The following DCC variants were observed in gnomAD, a reference collection of about 807,000 sequenced individuals.
DCC encodes netrin receptor DCC.
DCC carries 58 observed loss-of-function variants against 172.5 expected under a neutral mutation model. That is an observed-to-expected ratio of 0.34 (90% CI 0.27 to 0.42). The LOEUF (loss-of-function observed/expected upper bound fraction) is 0.42. Among genes scored for constraint, DCC ranks in the 10% least tolerant of loss-of-function variants. DCC has a pLI of 1.00. For synonymous variants in DCC, 709 were observed against 644.5 expected (o/e 1.10, Z -1.52); for missense variants, 1,740 against 1,791.0 (o/e 0.97, Z 0.51).
At chr18:52,780,547 C>T (rs1399476760) in intron 2 of DCC, among the ~76,000 whole-genome samples, 1 of 151,948 alleles carries the variant, frequency 6.6e-6, no homozygotes, top group African/African-American at 2.4e-5. Flanking sequence ...CTGAAGACCC[C>T]CCAAAGCAGG....
chr18:52,892,210 T>A (rs2039661130), intron 2 of DCC, among the ~76,000 whole-genome samples: 1 of 152,128 alleles, frequency 6.6e-6, no homozygotes, highest in African/African-American at 2.4e-5. Flanking sequence ...GGAAAGGTCA[T>A]AAACAAGCTT....
chr18:52,600,928 A>G (rs1280353760), intron 1 of DCC, among the ~76,000 whole-genome samples: 4 of 152,176 alleles, frequency 2.6e-5, no homozygotes, highest in Non-Finnish European at 4.4e-5. Context: ...GGGATTTACT[A>G]TATAACCCAA....
chr18:53,027,795 G>A (rs187554129), intron 5 of DCC, among the ~76,000 whole-genome samples: 121 of 150,994 alleles, frequency 8.0e-4, no homozygotes, highest in African/African-American at 2.4e-3. Context: ...AATAACTTGC[G>A]TATAGTTTTG....
rs555051114 is a variant in DCC at position 53,077,395 on chromosome 18, C to T, written c.1261+11229C>T. 2.1e-3 allele frequency among the ~76,000 whole-genome samples: 327 copies of T among 152,204 alleles called. 2 individuals are homozygous for T. Among genetic ancestry groups the T allele is most frequent in the Non-Finnish European group, 2.2e-3 (150 of 68,002 alleles). ...CCCACATACCCACAGACCAAGCTGACCACCTGGTCATAAGTGTGAGTTAAA... is the reference window on the plus strand; with the variant it reads ...CCCACATACCCACAGACCAAGCTGATCACCTGGTCATAAGTGTGAGTTAAA... On this transcript the variant is annotated intron_variant, in intron 7 of 28. Transcript: ENST00000442544.
chr18:53,115,558 C>A (rs1177671079), intron 7 of DCC, among the ~76,000 whole-genome samples: 1 of 151,478 alleles, frequency 6.6e-6, no homozygotes, highest in African/African-American at 2.4e-5. Context: ...TTCCCCCATC[C>A]CAGTGCTAGA....
chr18:52,670,583 T>C (rs1434941668), intron 1 of DCC, among the ~76,000 whole-genome samples: 1 of 152,190 alleles, frequency 6.6e-6, no homozygotes, highest in Non-Finnish European at 1.5e-5. Context: ...CTCACGCCTG[T>C]AATCCCAGCA....
At chr18:52,450,535 T>C (rs1165040475) in intron 1 of DCC, among the ~76,000 whole-genome samples, 1 of 152,232 alleles carries the variant, frequency 6.6e-6, no homozygotes, top group Non-Finnish European at 1.5e-5. Flanking sequence ...GTGGTTATTC[T>C]AGCTTTAGGC....
chr18:53,341,226 A>G (rs56162392), intron 15 of DCC, among the ~76,000 whole-genome samples: 24,804 of 152,046 alleles, frequency 0.16, 2,521 homozygotes, highest in African/African-American at 0.28. Flanking sequence ...AGAGGGAGGG[A>G]GGTGCCCATG....
intron 1 of DCC, among the ~76,000 whole-genome samples, chr18:52,388,822 T>C (rs189231896): frequency 3.0e-4 from 45 of 152,162 alleles, no homozygotes; most frequent in African/African-American, 9.9e-4. Context: ...CTGTGTGTTA[T>C]TAAGTATATG....
chr18:52,497,276 AAAAAATATATAT>A (rs1455092153), intron 1 of DCC, among the ~76,000 whole-genome samples: 3 of 73,034 alleles, frequency 4.1e-5, no homozygotes, highest in East Asian at 8.2e-4. Flanking sequence ...AAAAAAAAAA[AAAAAATATATAT>A]ATATATATAT....
At chr18:53,019,813 C>T (rs1416405679) in intron 5 of DCC, among the ~76,000 whole-genome samples, 2 of 152,026 alleles carry the variant, frequency 1.3e-5, no homozygotes, top group African/African-American at 4.8e-5. Flanking sequence ...GCTGCAATAC[C>T]AAAGCAGACA....
intron 5 of DCC, among the ~76,000 whole-genome samples, chr18:52,953,028 A>T (rs34661612): frequency 1.4e-5 from 2 of 143,752 alleles, no homozygotes; most frequent in African/African-American, 2.6e-5. Flanking sequence ...AAAAAAAAAA[A>T]CTCATAACAT....
intron 5 of DCC, among the ~76,000 whole-genome samples, chr18:53,020,061 G>A (rs2041858245): frequency 6.6e-6 from 1 of 152,106 alleles, no homozygotes; most frequent in Admixed American, 6.5e-5. Context: ...AACTTTGAAG[G>A]AGCATGCTTA....
chr18:53,228,011 G>T lies in DCC; in HGVS notation c.1911+12414G>T, dbSNP rs578011954. Among the ~76,000 whole-genome samples the T allele has an allele frequency of 1.1e-3, 173 of 152,178 alleles. 1 individual carries two copies. The highest frequency in any genetic ancestry group is 4.0e-3 in the African/African-American group (168 of 41,528). On this transcript the variant is annotated intron_variant, in intron 12 of 28. Transcript: ENST00000442544. The stretch of plus-strand genomic sequence containing the variant: ...TTTTTAAAATATGAAGCTGACTGTA[G>T]ATTTTTATCTTTTATGCATAGATAA...
At chr18:52,649,263 C>G (rs945835726) in intron 1 of DCC, among the ~76,000 whole-genome samples, 1 of 151,310 alleles carries the variant, frequency 6.6e-6, no homozygotes, top group Admixed American at 6.6e-5. Context: ...GTTTCAGCTA[C>G]TTGGGAGGCT....
chr18:53,099,688 G>A (rs1393380913), intron 7 of DCC, among the ~76,000 whole-genome samples: 1 of 152,004 alleles, frequency 6.6e-6, no homozygotes, highest in African/African-American at 2.4e-5. Flanking sequence ...GTTTTTATCT[G>A]AATAACTAGT....
chr18:53,394,722 A>G (rs1228443682), intron 17 of DCC, among the ~76,000 whole-genome samples: 2 of 152,182 alleles, frequency 1.3e-5, no homozygotes, highest in Admixed American at 6.5e-5. Flanking sequence ...AATGCATGAA[A>G]TAATGTAGTT....
chr18:52,933,423 G>A (rs2040336960), intron 5 of DCC, among the ~76,000 whole-genome samples: 1 of 151,494 alleles, frequency 6.6e-6, no homozygotes, highest in Non-Finnish European at 1.5e-5. Context: ...AGTGGTGAGG[G>A]GAGAGTATGA....
At chr18:52,363,242 G>C (rs1304849920) in intron 1 of DCC, among the ~76,000 whole-genome samples, 2 of 152,176 alleles carry the variant, frequency 1.3e-5, no homozygotes, top group East Asian at 1.9e-4. Flanking sequence ...AGCTCATCAA[G>C]AAGTCTGTAT....
Sources: allele counts gnomAD v4.1 joint callset (sites outside exome capture counted in the v4.1 genomes callset), GRCh38; gene constraint gnomAD v4.1.1; transcripts MANE v1.5; gene names NCBI Gene and HGNC (gene_info 2026-07-23, HGNC 2026-07-21).